The following MYO3A variants were observed in gnomAD, a reference collection of about 807,000 sequenced individuals.
MYO3A encodes the protein myosin IIIA.
A neutral mutation model predicts 192.7 loss-of-function variants in MYO3A; 180 were observed. The ratio of observed to expected loss-of-function variants is 0.93; its 90% CI spans 0.83 to 1.06. The LOEUF is 1.06. Ranked by LOEUF, MYO3A falls within the 50% of genes least tolerant of loss-of-function variation. The pLI, the probability that MYO3A is intolerant of heterozygous loss-of-function variation, is 0.00. For synonymous variants in MYO3A, 628 were observed against 645.3 expected, an observed-to-expected ratio of 0.97 and a Z score of 0.41; for missense variants, 1,896 against 1,905.0, an observed-to-expected ratio of 1.00 and a Z score of 0.09.
chr10:26,081,395 C>T (rs112829906), intron 14 of MYO3A, among the ~76,000 whole-genome samples: 3,072 of 152,102 alleles, frequency 0.02, 99 homozygotes, highest in African/African-American at 0.069. Context: ...AACTGAAGGG[C>T]GGGTCTCACT....
At chr10:26,060,712 A>T (rs1158899563) in intron 10 of MYO3A, among the ~76,000 whole-genome samples, 2 of 152,210 alleles carry the variant, frequency 1.3e-5, no homozygotes, top group Admixed American at 1.3e-4. Context: ...GATTGATTAG[A>T]TATTCACTGA....
rs752701753 is a variant in MYO3A at position 26,211,897 on chromosome 10, C to T, written c.4785C>T (p.Asn1595=). 3.1e-6 allele frequency: 5 copies of T among 1,613,962 alleles called. No homozygotes were observed. The highest frequency in any genetic ancestry group is 4.2e-6 in the Non-Finnish European group (5 of 1,180,036). The part of the protein sequence containing the change: ...EKEEEREPAA[N]PYDFRRLLRK... ...AGGAGGAGAGAGAGCCAGCAGCCAA[C>T]CCCTACGACTTCAGGAGGCTCCTGC... The change falls in exon 35 of 35, where the codon AAC becomes AAT. Residue 1595 remains asparagine, a synonymous_variant. Coordinates refer to ENST00000642920, the MANE Select transcript of MYO3A (RefSeq NM_017433.5).
At chr10:26,058,725 G>T (rs987829149) in intron 10 of MYO3A, among the ~76,000 whole-genome samples, 5 of 152,118 alleles carry the variant, frequency 3.3e-5, no homozygotes, top group African/African-American at 1.2e-4. Context: ...GAATCAGTTT[G>T]CCAATATCCA....
intron 4 of MYO3A, among the ~76,000 whole-genome samples, chr10:25,989,138 G>A (rs535676965): frequency 6.7e-4 from 102 of 151,470 alleles, no homozygotes; most frequent in Middle Eastern, 3.4e-3. Context: ...AGAGGCAGGG[G>A]TCTTACTGTG....
At chr10:25,939,159 T>G (rs2130804862) in intron 2 of MYO3A, among the ~76,000 whole-genome samples, 1 of 152,192 alleles carries the variant, frequency 6.6e-6, no homozygotes. Context: ...TGGTTTTAGA[T>G]TTATTAATAT....
At position 25,955,009 on chromosome 10, in the gene MYO3A, G is replaced by A; in HGVS notation, c.303+1G>A. On this transcript the variant is annotated splice_donor_variant, in intron 4 of 34. Coordinates refer to ENST00000642920, the MANE Select transcript of MYO3A (RefSeq NM_017433.5). LOFTEE classifies it high-confidence loss of function. ...AGACAAGCTGTGGTTGGTTCTTGAG[G>A]TAAGTGTGTCAGCATCATTTGTATG... is the stretch of plus-strand genomic sequence containing the variant. 1 of 1,612,746 alleles carries A rather than the reference G, an allele frequency of 6.2e-7. No homozygotes were observed. The highest frequency in any genetic ancestry group is 1.1e-5 in the South Asian group (1 of 91,048).
intron 7 of MYO3A, among the ~76,000 whole-genome samples, chr10:26,020,554 A>T (rs1842248109): frequency 6.6e-6 from 1 of 152,180 alleles, no homozygotes; most frequent in African/African-American, 2.4e-5. Flanking sequence ...ACTGTATTTA[A>T]ATGACACAAT....
At chr10:26,015,509 G>T (rs1841939941) in intron 6 of MYO3A, among the ~76,000 whole-genome samples, 2 of 152,082 alleles carry the variant, frequency 1.3e-5, no homozygotes, top group South Asian at 4.1e-4. Flanking sequence ...TTTACACTAA[G>T]TAAAAATATC....
At chr10:26,099,298 A>C (rs1002552715) in intron 17 of MYO3A, among the ~76,000 whole-genome samples, 1 of 152,230 alleles carries the variant, frequency 6.6e-6, no homozygotes, top group African/African-American at 2.4e-5. Flanking sequence ...TATCAGCTTA[A>C]GCAGATTTTG....
At chr10:25,995,106 T>A (rs188626630) in intron 4 of MYO3A, among the ~76,000 whole-genome samples, 9,714 of 152,274 alleles carry the variant, frequency 0.064, 397 homozygotes, top group Non-Finnish European at 0.094. Flanking sequence ...AAAGAGTGTT[T>A]TCCAACTTGG....
intron 31 of MYO3A, among the ~76,000 whole-genome samples, chr10:26,179,142 A>G (rs111396394): frequency 0.15 from 15,221 of 102,332 alleles, 940 homozygotes; most frequent in Middle Eastern, 0.19. Flanking sequence ...CTTGTTGTCC[A>G]GGCTGGAGTG....
At chr10:25,957,279 G>A (rs1837615041) in intron 4 of MYO3A, among the ~76,000 whole-genome samples, 1 of 152,092 alleles carries the variant, frequency 6.6e-6, no homozygotes. Context: ...TAAGTCTGAT[G>A]AGATCTGATG....
At chr10:25,992,167 G>GT (rs1481372575) in intron 4 of MYO3A, among the ~76,000 whole-genome samples, 5 of 152,140 alleles carry the variant, frequency 3.3e-5, no homozygotes, top group Non-Finnish European at 5.9e-5. Context: ...TCTTCCATTT[G>GT]TTTGCGTCCT....
intron 6 of MYO3A, among the ~76,000 whole-genome samples, chr10:26,014,770 T>C (rs1841891097): frequency 6.6e-6 from 1 of 152,178 alleles, no homozygotes; most frequent in African/African-American, 2.4e-5. Context: ...ATTTTTATAG[T>C]TTCAGTTCTC....
At chr10:25,989,511 CTGAA>C (rs1479569796) in intron 4 of MYO3A, among the ~76,000 whole-genome samples, 1 of 152,030 alleles carries the variant, frequency 6.6e-6, no homozygotes, top group Non-Finnish European at 1.5e-5. Flanking sequence ...GAAGTTTTCT[CTGAA>C]TGAAGAAAAA....
chr10:26,087,268 T>A (rs1336692534), intron 14 of MYO3A, among the ~76,000 whole-genome samples: 2 of 152,220 alleles, frequency 1.3e-5, no homozygotes, highest in African/African-American at 4.8e-5. Flanking sequence ...CCTTATTGCC[T>A]CTTTTATAAG....
intron 23 of MYO3A, among the ~76,000 whole-genome samples, chr10:26,152,105 G>T (rs1416028684): frequency 1.3e-5 from 2 of 152,142 alleles, no homozygotes; most frequent in African/African-American, 4.8e-5. Flanking sequence ...ACTATGTTGT[G>T]TTGCTTGGCT....
chr10:26,087,015 T>C (rs1271450804), intron 14 of MYO3A, among the ~76,000 whole-genome samples: 1 of 152,228 alleles, frequency 6.6e-6, no homozygotes, highest in Non-Finnish European at 1.5e-5. Flanking sequence ...CCTACCCTTA[T>C]CACATCTTAT....
At chr10:26,120,613 A>G (rs1400787774) in intron 17 of MYO3A, 63 bp from the exon 18 acceptor site, 29 of 1,610,032 alleles carry the variant, frequency 1.8e-5, no homozygotes, top group Non-Finnish European at 2.3e-5. Flanking sequence ...GTCCCCAGCC[A>G]TAGTCACTGG....
Sources: gnomAD v4.1 joint callset for allele counts (sites outside exome capture counted in the v4.1 genomes callset) on GRCh38, gnomAD v4.1.1 for gene constraint, MANE v1.5 for transcripts, NCBI Gene and HGNC (gene_info 2026-07-23, HGNC 2026-07-21) for gene names.